Variants in TXNDC16 observed in about 807,000 individuals in gnomAD.
The protein encoded by TXNDC16 is thioredoxin domain containing 16.
Under a neutral mutation model 85.6 loss-of-function variants are expected in TXNDC16, and 74 were observed. The ratio of observed to expected loss-of-function variants is 0.86; its 90% CI spans 0.72 to 1.05. The LOEUF (loss-of-function observed/expected upper bound fraction) is 1.05. Among genes scored for constraint, TXNDC16 ranks in the 50% least tolerant of loss-of-function variants. The pLI is 0.00. For missense variants in TXNDC16, 959 were observed against 947.0 expected, an observed-to-expected ratio of 1.01 and a Z score of -0.17; for synonymous variants, 335 against 326.5, an observed-to-expected ratio of 1.03 and a Z score of -0.28.
intron 6 of TXNDC16, among the ~76,000 whole-genome samples, chr14:52,528,416 T>A (rs1160405051): frequency 1.3e-5 from 2 of 152,140 alleles, no homozygotes; most frequent in Non-Finnish European, 2.9e-5. Context: ...AGGCTAAGTA[T>A]TGGATTTAGG....
chr14:52,493,783 C>CT lies in TXNDC16; in HGVS notation c.757-2779dup, dbSNP rs144085036. ...TCTCCTAAACTTTCTAATAATTAAA[C>CT]TTTTTTTTTTTCCAAGATAGAGTCT... On this transcript the variant is annotated intron_variant, in intron 9 of 20. Coordinates refer to ENST00000281741, the MANE Select transcript of TXNDC16 (RefSeq NM_020784.3). Among the ~76,000 whole-genome samples the CT allele has an allele frequency of 5.8e-3, 860 of 148,088 alleles. 10 individuals are homozygous for CT. Among genetic ancestry groups the CT allele is most frequent in the African/African-American group, 0.019 (786 of 40,508 alleles).
chr14:52,518,270 A>G lies in TXNDC16; in HGVS notation c.514+902T>C, dbSNP rs866965107. ...TCTCAAATTTACTTCCCTAGTCCATACTCCCAACATGAAATGCAGTCTAGT... is the reference window on the plus strand; with the variant it reads ...TCTCAAATTTACTTCCCTAGTCCATGCTCCCAACATGAAATGCAGTCTAGT... On this transcript the variant is annotated intron_variant, in intron 7 of 20. Transcript: ENST00000281741. Among the ~76,000 whole-genome samples, 15 of 152,080 alleles carry G rather than the reference A, an allele frequency of 9.9e-5. No individual in the cohort carries two copies. In the East Asian group the frequency reaches 2.1e-3, roughly 22 times the overall value.
intron 8 of TXNDC16, among the ~76,000 whole-genome samples, chr14:52,513,395 A>T (rs977286088): frequency 4.6e-5 from 7 of 152,208 alleles, no homozygotes; most frequent in Non-Finnish European, 8.8e-5. Flanking sequence ...AAGTGATATC[A>T]CAGCACCACT....
At chr14:52,497,757 T>C (rs2036564731) in intron 9 of TXNDC16, among the ~76,000 whole-genome samples, 2 of 152,016 alleles carry the variant, frequency 1.3e-5, no homozygotes, top group African/African-American at 4.8e-5. Flanking sequence ...AGCATGCACC[T>C]GTAATCCCAG....
intron 2 of TXNDC16, 45 bp from the exon 3 acceptor site, chr14:52,543,675 G>C: frequency 8.8e-7 from 1 of 1,135,692 alleles, no homozygotes; most frequent in Non-Finnish European, 1.2e-6. Context: ...GAATGAATTT[G>C]TTAAATGAAT....
chr14:52,474,091 T>A lies in TXNDC16; in HGVS notation c.1313-3411A>T, dbSNP rs1594708774. On this transcript the variant is annotated intron_variant, in intron 14 of 20. Transcript: ENST00000281741. Reference sequence around the variant, plus strand: ...AATGAAAAGGAAAACAAGTCCTGGGTTGCTTAACTACTTTTTTATTCTACA... The same window carrying A: ...AATGAAAAGGAAAACAAGTCCTGGGATGCTTAACTACTTTTTTATTCTACA... 2.6e-5 allele frequency among the ~76,000 whole-genome samples: 4 copies of A among 152,312 alleles called. No homozygotes were observed. In the East Asian group the frequency reaches 7.7e-4, roughly 29 times the overall value.
Position 52,522,190 on chromosome 14 carries a change from T to G in TXNDC16, c.393-2897A>C, listed in dbSNP as rs1291973356. ...CTAGTCATGACTTTTATTGTTTTAT[T>G]ATCTCCAACGTGTTTGCTTCAAAAA... On this transcript the variant is annotated intron_variant, in intron 6 of 20. Coordinates refer to ENST00000281741, the MANE Select transcript of TXNDC16 (RefSeq NM_020784.3). Among the ~76,000 whole-genome samples, 3 of 152,238 alleles carry G rather than the reference T, an allele frequency of 2.0e-5. 1 individual carries two copies. The highest frequency in any genetic ancestry group is 2.0e-4 in the Admixed American group (3 of 15,278).
chr14:52,494,608 G>A (rs1229872789), intron 9 of TXNDC16, among the ~76,000 whole-genome samples: 1 of 152,122 alleles, frequency 6.6e-6, no homozygotes, highest in Non-Finnish European at 1.5e-5. Context: ...GCAAAAAGGA[G>A]GAATAGTCAG....
intron 14 of TXNDC16, among the ~76,000 whole-genome samples, chr14:52,481,846 C>T (rs980395666): frequency 1.5e-4 from 23 of 152,102 alleles, no homozygotes; most frequent in African/African-American, 5.5e-4. Context: ...GATTTTTGAT[C>T]TCTCATTAGA....
rs115507544 is a variant in TXNDC16 at position 52,500,393 on chromosome 14, T to C, written c.757-9388A>G. Among the ~76,000 whole-genome samples, 1,077 of 152,310 alleles carry C rather than the reference T, an allele frequency of 7.1e-3. 15 individuals carry two copies. The highest frequency in any genetic ancestry group is 0.025 in the African/African-American group (1,023 of 41,564). On this transcript the variant is annotated intron_variant, in intron 9 of 20. Transcript: ENST00000281741. ...GGCATAACTCAGTGTATATGTGGTA[T>C]CTACAGTAATCAAACTCATACGAAT...
At chr14:52,461,512 T>G (rs2035652109) in intron 16 of TXNDC16, among the ~76,000 whole-genome samples, 1 of 152,220 alleles carries the variant, frequency 6.6e-6, no homozygotes, top group Admixed American at 6.5e-5. Flanking sequence ...GGAAAATAAA[T>G]TATGACACAG....
rs2036167755 is a variant in TXNDC16 at position 52,482,283 on chromosome 14, G to A, written c.1259C>T (p.Ala420Val). The part of the protein sequence containing the change: ...SIVLFYAGWQ[A>V]VSMAFLQSYI... ...GGATTGCAAAAATGCCATGGATACT[G>A]CTTGCCCTATATGAAAATTAAAAAT... Residue 420 changes from alanine (A) to valine (V), a missense_variant, in exon 14 of 21, where the codon GCA (alanine) becomes GTA (valine). Ala to Val is a moderately conservative substitution (Grantham distance 64, BLOSUM62 0). Transcript: ENST00000281741. 1.2e-6 allele frequency: 2 copies of A among 1,611,200 alleles called. No homozygotes were observed. Among genetic ancestry groups the A allele is most frequent in the Non-Finnish European group, 8.5e-7 (1 of 1,178,708 alleles).
At chr14:52,491,062 T>A in intron 9 of TXNDC16, 57 bp from the exon 10 acceptor site, 3 of 1,521,502 alleles carry the variant, frequency 2.0e-6, no homozygotes, top group South Asian at 2.5e-5. Flanking sequence ...ACATTTGGAT[T>A]TAAATTCTCC....
chr14:52,459,254 G>A (rs1038478943), intron 16 of TXNDC16, among the ~76,000 whole-genome samples: 2 of 152,064 alleles, frequency 1.3e-5, no homozygotes, highest in African/African-American at 4.8e-5. Context: ...AGGGAGAGCT[G>A]AGAAGCAAGA....
At chr14:52,499,638 A>T (rs2036611629) in intron 9 of TXNDC16, among the ~76,000 whole-genome samples, 1 of 151,816 alleles carries the variant, frequency 6.6e-6, no homozygotes, top group Non-Finnish European at 1.5e-5. Context: ...GAAAGAAAAG[A>T]ATGACAAACG....
chr14:52,449,670 C>T (rs1441341193), intron 18 of TXNDC16, among the ~76,000 whole-genome samples: 1 of 152,068 alleles, frequency 6.6e-6, no homozygotes, highest in Non-Finnish European at 1.5e-5. Flanking sequence ...GCATATGGAT[C>T]ATTGTCAAGG....
intron 3 of TXNDC16, 107 bp from the exon 4 acceptor site, chr14:52,542,560 C>A: frequency 1.5e-6 from 1 of 675,412 alleles, no homozygotes; most frequent in Non-Finnish European, 2.6e-6. Context: ...CATGCAACAA[C>A]AAATAACTAA....
At chr14:52,486,161 C>G (rs971052356) in intron 12 of TXNDC16, among the ~76,000 whole-genome samples, 4 of 151,506 alleles carry the variant, frequency 2.6e-5, no homozygotes, top group Admixed American at 2.6e-4. Context: ...CTTTTTCCTC[C>G]TTTCCCTCTT....
intron 14 of TXNDC16, among the ~76,000 whole-genome samples, chr14:52,480,668 A>G (rs1177710291): frequency 6.6e-6 from 1 of 152,028 alleles, no homozygotes; most frequent in Non-Finnish European, 1.5e-5. Context: ...AAAATAAAAA[A>G]ATAATAGATG....
Sources: gnomAD v4.1 joint callset for allele counts (sites outside exome capture counted in the v4.1 genomes callset) on GRCh38, gnomAD v4.1.1 for gene constraint, MANE v1.5 for transcripts, NCBI Gene and HGNC (gene_info 2026-07-23, HGNC 2026-07-21) for gene names.